The following NF1 variants were observed in gnomAD, a reference collection of about 807,000 sequenced individuals.
NF1 encodes the protein neurofibromin.
NF1 carries 122 observed loss-of-function variants against 325.7 expected under a neutral mutation model. The ratio of observed to expected loss-of-function variants is 0.37; its 90% confidence interval spans 0.32 to 0.44. NF1 has a LOEUF of 0.44. Ranked by LOEUF, NF1 falls within the 20% of genes least tolerant of loss-of-function variation. NF1 has a pLI of 1.00. For synonymous variants in NF1, 1,091 were observed against 1,186.0 expected (o/e 0.92, Z 1.65); for missense variants, 2,140 against 3,415.4 (o/e 0.63, Z 9.31).
intron 38 of NF1, 75 bp from the exon 39 acceptor site, chr17:31,330,221 T>C: frequency 8.4e-7 from 1 of 1,184,046 alleles, no homozygotes; most frequent in Non-Finnish European, 1.3e-6. Flanking sequence ...AATCACAAAT[T>C]GTATGTTATG....
At chr17:31,250,639 T>G (rs2067478251) in intron 30 of NF1, 1 of 194,824 alleles carries the variant, frequency 5.1e-6, no homozygotes, top group East Asian at 8.1e-5. Flanking sequence ...ATTCTAATAA[T>G]GTAAAAGGAA....
chr17:31,126,197 G>GA lies in NF1; in HGVS notation c.61-29777dup, dbSNP rs57773069. The stretch of plus-strand genomic sequence containing the variant: ...GAGCGACACTTCGTCTAAAAAAAAA[G>GA]AAAAAAAAATTATGTATCTGGTGGG... On this transcript the variant is annotated intron_variant, in intron 1 of 57. Coordinates refer to ENST00000358273, the MANE Select transcript of NF1 (RefSeq NM_001042492.3). Among the ~76,000 whole-genome samples the GA allele has an allele frequency of 1.1e-3, 173 of 150,980 alleles. 1 individual carries two copies. Among genetic ancestry groups the GA allele is most frequent in the African/African-American group, 3.3e-3 (137 of 41,224 alleles).
intron 1 of NF1, among the ~76,000 whole-genome samples, chr17:31,115,943 G>A (rs1216154208): frequency 6.6e-6 from 1 of 151,974 alleles, no homozygotes; most frequent in Non-Finnish European, 1.5e-5. Context: ...ATATTTTGGA[G>A]CATTTTACTT....
At chr17:31,320,379 AGTATAG>A in intron 36 of NF1, 1 of 1,601,814 alleles carries the variant, frequency 6.2e-7, no homozygotes, top group Non-Finnish European at 8.5e-7. Context: ...TTACCTAGCT[AGTATAG>A]GTAGGGCCTG....
rs2151464814 is a variant in NF1 at position 31,260,491 on chromosome 17, T to G, written c.4553T>G (p.Ile1518Ser). ...CTACTCTGGAACAATCAGGAGAAAA[T>G]TGGGCAGTATCTTTCCAGCAACAGG... is the stretch of plus-strand genomic sequence containing the variant. ...HRLLWNNQEK[I>S]GQYLSSNRDH... The change falls in exon 34 of 58, where the codon ATT becomes AGT. Residue 1518 changes from isoleucine (I) to serine (S), a missense_variant. Physicochemically the swap from Ile to Ser is moderately radical, Grantham distance 142. Around this residue, in one of 10 missense-constraint regions of NF1, gnomAD observed 103 missense variants for 214.6 expected, o/e 0.48. Coordinates refer to ENST00000358273, the MANE Select transcript of NF1 (RefSeq NM_001042492.3). The G allele has an allele frequency of 1.2e-6, 2 of 1,613,996 alleles. No individual in the cohort carries two copies. The highest frequency in any genetic ancestry group is 1.7e-6 in the Non-Finnish European group (2 of 1,179,944).
At chr17:31,253,176 A>G (rs2067523943) in intron 31 of NF1, 176 bp downstream of exon 31, 1 of 608,658 alleles carries the variant, frequency 1.6e-6, no homozygotes, top group African/African-American at 1.8e-5. Context: ...GTTACATTGA[A>G]ACATTCTCTG....
In NF1 at chr17:31,230,267, C is replaced by T. The variant is rs367684252; in HGVS notation, c.2998C>T (p.Arg1000Cys). The change falls in exon 23 of 58, where the codon CGT becomes TGT. Residue 1000 changes from arginine (R) to cysteine (C), a missense_variant. Physicochemically the swap from Arg to Cys is radical, Grantham distance 180. Transcript: ENST00000358273. Reference sequence around the variant, plus strand: ...GTTTCTATGTCTATATAGGTATGTTCGTGTGCTTGGGAATATGGTCCATGC... The same window carrying T: ...GTTTCTATGTCTATATAGGTATGTTTGTGTGCTTGGGAATATGGTCCATGC... ...TMMLNLVRYV[R>C]VLGNMVHAIQ... 12 of 1,612,182 alleles carry T rather than the reference C, an allele frequency of 7.4e-6. No individual in the cohort carries two copies. The highest frequency in any genetic ancestry group is 2.2e-5 in the East Asian group (1 of 44,712).
chr17:31,128,100 C>T (rs574713165), intron 1 of NF1, among the ~76,000 whole-genome samples: 1 of 151,518 alleles, frequency 6.6e-6, no homozygotes, highest in African/African-American at 2.4e-5. Flanking sequence ...TGCCACCATG[C>T]CTGGCTGATT....
At chr17:31,178,281 G>A (rs1383801444) in intron 5 of NF1, among the ~76,000 whole-genome samples, 1 of 152,128 alleles carries the variant, frequency 6.6e-6, no homozygotes, top group African/African-American at 2.4e-5. Flanking sequence ...CTTCATAAGC[G>A]AAGGAGAAAT....
intron 1 of NF1, among the ~76,000 whole-genome samples, chr17:31,103,503 C>T (rs942221815): frequency 6.6e-5 from 10 of 152,124 alleles, no homozygotes; most frequent in Non-Finnish European, 1.3e-4. Flanking sequence ...CTTCAGCCTC[C>T]CAAAGTGCTG....
intron 1 of NF1, among the ~76,000 whole-genome samples, chr17:31,134,885 A>G (rs1400580993): frequency 6.6e-6 from 1 of 152,080 alleles, no homozygotes; most frequent in Non-Finnish European, 1.5e-5. Context: ...CTTGCCGTAT[A>G]ATATTGGTTA....
intron 1 of NF1, among the ~76,000 whole-genome samples, chr17:31,131,986 A>C: frequency 6.6e-6 from 1 of 151,848 alleles, no homozygotes; most frequent in Non-Finnish European, 1.5e-5. Context: ...ACTGGAGTGC[A>C]GTGGTGTGAT....
Position 31,130,028 on chromosome 17 carries a change from T to A in NF1, c.61-25955T>A, listed in dbSNP as rs1250019662. Among the ~76,000 whole-genome samples, 30 of 151,798 alleles carry A rather than the reference T, an allele frequency of 2.0e-4. 1 individual carries two copies. The highest frequency in any genetic ancestry group is 2.0e-3 in the Admixed American group (30 of 15,228). ...GTCATCAGAGTTCTTGTGTTGGTGC[T>A]TTGTCATCTTTGTGGGCTGATGTTC... On this transcript the variant is annotated intron_variant, in intron 1 of 57. Coordinates refer to ENST00000358273, the MANE Select transcript of NF1 (RefSeq NM_001042492.3).
chr17:31,313,728 G>A (rs938822216), intron 36 of NF1, among the ~76,000 whole-genome samples: 1 of 41,448 alleles, frequency 2.4e-5, no homozygotes, highest in African/African-American at 4.7e-5. Context: ...AAATATGTGT[G>A]TGTGTGTGTG....
chr17:31,178,606 T>G (rs561191108), intron 5 of NF1, among the ~76,000 whole-genome samples: 1 of 152,270 alleles, frequency 6.6e-6, no homozygotes, highest in African/African-American at 2.4e-5. Flanking sequence ...CTGTGCTGTA[T>G]TCAGGAGACC....
In NF1 at chr17:31,265,329, G is replaced by A. The variant is rs876658973; in HGVS notation, c.4825G>A (p.Val1609Ile). 1 of 1,608,958 alleles carries A rather than the reference G, an allele frequency of 6.2e-7. No individual in the cohort carries two copies. Among genetic ancestry groups the A allele is most frequent in the African/African-American group, 1.3e-5 (1 of 74,856 alleles). ...AGCTGGGAATCCTATTTTTTATTAT[G>A]TTGCACGGAGGTAAGAAATACTATG... is the stretch of plus-strand genomic sequence containing the variant. ...SKAGNPIFYY[V>I]ARRFKTGQIN... Residue 1609 changes from valine to isoleucine, a missense_variant, in exon 36 of 58, where the codon GTT becomes ATT. By Grantham distance (29) the Val-to-Ile change is conservative (BLOSUM62 3). Around this residue, in one of 10 missense-constraint regions of NF1, gnomAD observed 103 missense variants for 214.6 expected, o/e 0.48. Transcript: ENST00000358273.
At chr17:31,126,596 T>C (rs1397748711) in intron 1 of NF1, among the ~76,000 whole-genome samples, 1 of 151,972 alleles carries the variant, frequency 6.6e-6, no homozygotes, top group Non-Finnish European at 1.5e-5. Flanking sequence ...TACGCGCCAC[T>C]GTGCCTGGCT....
intron 2 of NF1, among the ~76,000 whole-genome samples, chr17:31,157,964 CA>C (rs964836336): frequency 2.0e-4 from 29 of 142,602 alleles, no homozygotes; most frequent in African/African-American, 2.3e-4. Flanking sequence ...GACTCCGTCT[CA>C]AAAAAAAAAA....
chr17:31,349,384 G>A (rs977898136), intron 49 of NF1, 133 bp downstream of exon 49: 24 of 833,300 alleles, frequency 2.9e-5, no homozygotes, highest in Non-Finnish European at 3.9e-5. Flanking sequence ...TCCTTTAGTG[G>A]TGGTTACAAT....
Sources: gnomAD v4.1 joint callset for allele counts (sites outside exome capture counted in the v4.1 genomes callset) on GRCh38, gnomAD v4.1.1 for gene constraint, gnomAD v4.1.1 regional missense constraint, MANE v1.5 for transcripts, NCBI Gene and HGNC (gene_info 2026-07-23, HGNC 2026-07-21) for gene names.